Variants in CNTN1 observed in about 807,000 individuals in gnomAD.
CNTN1 encodes the protein contactin-1.
A neutral mutation model predicts 126.4 loss-of-function variants in CNTN1; 38 were observed. The ratio of observed to expected loss-of-function variants is 0.30; its 90% confidence interval spans 0.23 to 0.39. The LOEUF (loss-of-function observed/expected upper bound fraction) is 0.39, where lower values mean the gene tolerates loss of function less well. CNTN1 is among the 10% of genes least tolerant of loss of function. The pLI, the probability that CNTN1 is intolerant of heterozygous loss-of-function variation, is 1.00. For synonymous variants in CNTN1, 413 were observed against 422.6 expected (o/e 0.98, Z 0.28); for missense variants, 1,009 against 1,248.4 (o/e 0.81, Z 2.89).
chr12:40,984,860 T>G (rs903441742), intron 16 of CNTN1, among the ~76,000 whole-genome samples: 2 of 152,090 alleles, frequency 1.3e-5, no homozygotes, highest in African/African-American at 4.8e-5. Flanking sequence ...GCACAACATA[T>G]GTGTGAATAT....
rs897554733 is a variant in CNTN1, at chr12:41,072,148, T to G, written c.*2113T>G. The G allele has an allele frequency of 1.3e-5, 2 of 152,220 alleles. No individual in the cohort carries two copies. Among genetic ancestry groups the G allele is most frequent in the African/African-American group, 4.8e-5 (2 of 41,460 alleles). The allele number at this position is 152,220 out of a possible 1,614,324, so 9.4% of individuals were successfully genotyped here. ...CAGATTTAACTGGGACCATCAGTTT[T>G]AAACTGTTGTCAAGCTAACTAATAA... On this transcript the variant is annotated 3_prime_UTR_variant, in exon 24 of 24. Transcript: ENST00000551295.
chr12:40,971,388 T>C (rs760487838), intron 15 of CNTN1: 10 of 1,514,890 alleles, frequency 6.6e-6, no homozygotes, highest in Admixed American at 3.5e-5. Flanking sequence ...CTGCCCCTAA[T>C]TGGGCATCCA....
intron 23 of CNTN1, among the ~76,000 whole-genome samples, chr12:41,041,499 T>C (rs1453870507): frequency 2.0e-5 from 3 of 152,158 alleles, no homozygotes; most frequent in Admixed American, 6.6e-5. Flanking sequence ...GGTATCAGTT[T>C]CTCCTTGTAC....
Position 40,939,360 on chromosome 12 carries a change from T to A in CNTN1, c.1254T>A (p.Asn418Lys), listed in dbSNP as rs1455241722. The A allele has an allele frequency of 1.9e-6, 3 of 1,613,756 alleles. No individual in the cohort carries two copies. Among genetic ancestry groups the A allele is most frequent in the Non-Finnish European group, 2.5e-6 (3 of 1,179,882 alleles). The change falls in exon 12 of 24, where the codon AAT becomes AAA. Residue 418 changes from asparagine (N) to lysine (K), a missense_variant. Transcript: ENST00000551295. ...CGTTGGCTCCAACTTTTGAAATGAA[T>A]CCTATGAAGAAAAAGATCCTGGCTG... Reference protein sequence around the residue: ...ILALAPTFEMNPMKKKILAAK... With the variant: ...ILALAPTFEMKPMKKKILAAK...
intron 1 of CNTN1, chr12:40,729,984 T>A (rs1326175794): frequency 6.6e-6 from 1 of 152,216 alleles, no homozygotes; most frequent in Non-Finnish European, 1.5e-5. Flanking sequence ...AGGGGACATT[T>A]TTTATCATTT....
intron 1 of CNTN1, among the ~76,000 whole-genome samples, chr12:40,788,401 G>A (rs868063285): frequency 1.3e-5 from 2 of 152,058 alleles, no homozygotes; most frequent in Admixed American, 1.3e-4. Context: ...GCAGTAGCCA[G>A]GACAGGAAAG....
At chr12:40,876,288 T>A (rs1023815849) in intron 1 of CNTN1, among the ~76,000 whole-genome samples, 6 of 152,144 alleles carry the variant, frequency 3.9e-5, no homozygotes, top group African/African-American at 1.4e-4. Context: ...TGTTTAAACA[T>A]TTCTAAAATC....
At chr12:40,782,136 T>C (rs1371309068) in intron 1 of CNTN1, among the ~76,000 whole-genome samples, 1 of 151,932 alleles carries the variant, frequency 6.6e-6, no homozygotes, top group Non-Finnish European at 1.5e-5. Flanking sequence ...TATGCACACA[T>C]ATTTTTTAAA....
At chr12:41,007,679 C>T (rs145919064) in intron 17 of CNTN1, among the ~76,000 whole-genome samples, 2 of 152,154 alleles carry the variant, frequency 1.3e-5, no homozygotes, top group Non-Finnish European at 2.9e-5. Context: ...TCAGGTATGA[C>T]GTTCACACAA....
At chr12:40,858,934 A>T (rs1414075476) in intron 1 of CNTN1, among the ~76,000 whole-genome samples, 1 of 151,982 alleles carries the variant, frequency 6.6e-6, no homozygotes, top group Non-Finnish European at 1.5e-5. Flanking sequence ...CAATGAGAAC[A>T]CACGGACATA....
chr12:40,780,719 C>T, intron 1 of CNTN1, among the ~76,000 whole-genome samples: 1 of 143,612 alleles, frequency 7.0e-6, no homozygotes, highest in African/African-American at 2.5e-5. Flanking sequence ...ATCCTCATTT[C>T]AAGGTTCATC....
At chr12:40,820,558 A>G (rs189866845) in intron 1 of CNTN1, among the ~76,000 whole-genome samples, 4 of 152,330 alleles carry the variant, frequency 2.6e-5, no homozygotes, top group Non-Finnish European at 5.9e-5. Flanking sequence ...GTGGTCTGGA[A>G]CATGGGTACA....
At chr12:40,982,118 G>A (rs1027044307) in intron 16 of CNTN1, among the ~76,000 whole-genome samples, 1 of 151,988 alleles carries the variant, frequency 6.6e-6, no homozygotes, top group Non-Finnish European at 1.5e-5. Context: ...ATATAAACTT[G>A]AGGTCTGTTG....
At chr12:40,918,085 G>A (rs1330042690) in intron 3 of CNTN1, among the ~76,000 whole-genome samples, 1 of 152,144 alleles carries the variant, frequency 6.6e-6, no homozygotes, top group Non-Finnish European at 1.5e-5. Flanking sequence ...GGAGAATGAT[G>A]TACACAGATG....
At chr12:40,757,631 T>A (rs1938664846) in intron 1 of CNTN1, among the ~76,000 whole-genome samples, 1 of 152,152 alleles carries the variant, frequency 6.6e-6, no homozygotes, top group Admixed American at 6.6e-5. Flanking sequence ...GCTGTTTTGC[T>A]CAGCCAATGA....
chr12:41,049,342 C>T (rs1949620565), intron 23 of CNTN1, among the ~76,000 whole-genome samples: 1 of 152,218 alleles, frequency 6.6e-6, no homozygotes, highest in African/African-American at 2.4e-5. Context: ...TATCTCCATT[C>T]AGACATCTAA....
chr12:40,736,302 T>C (rs1382420039), intron 1 of CNTN1, among the ~76,000 whole-genome samples: 2 of 152,082 alleles, frequency 1.3e-5, no homozygotes, highest in Non-Finnish European at 2.9e-5. Flanking sequence ...CTAATTTATA[T>C]AGGATATTCT....
At chr12:40,870,174 T>TC (rs1216056323) in intron 1 of CNTN1, among the ~76,000 whole-genome samples, 1 of 151,672 alleles carries the variant, frequency 6.6e-6, no homozygotes, top group Non-Finnish European at 1.5e-5. Context: ...ATCTCTTTTT[T>TC]TTTTTTCTAA....
intron 11 of CNTN1, 22 bp from the exon 12 acceptor site, chr12:40,939,313 T>C: frequency 6.2e-7 from 1 of 1,611,338 alleles, no homozygotes; most frequent in East Asian, 2.2e-5. Context: ...AAGAGAAAGA[T>C]AACAATTTGT....
Sources: gnomAD v4.1 joint callset for allele counts (sites outside exome capture counted in the v4.1 genomes callset) on GRCh38, gnomAD v4.1.1 for gene constraint, MANE v1.5 for transcripts, NCBI Gene and HGNC (gene_info 2026-07-23, HGNC 2026-07-21) for gene names.